MTA3: variants seen among roughly 807,000 people sequenced by gnomAD.
The protein encoded by MTA3 is metastasis associated 1 family member 3.
MTA3 carries 34 observed loss-of-function variants against 83.5 expected under a neutral mutation model. The observed-to-expected ratio is 0.41, with a 90% CI of 0.31 to 0.54. The LOEUF is 0.54. MTA3 is among the 20% of genes least tolerant of loss of function. The pLI, the probability that MTA3 is intolerant of heterozygous loss-of-function variation, is 0.33. For synonymous variants in MTA3, 303 were observed against 252.7 expected (o/e 1.20, Z -1.89); for missense variants, 761 against 726.4 (o/e 1.05, Z -0.55).
At chr2:42,695,612 GCAA>G (rs1558591402) in intron 9 of MTA3, among the ~76,000 whole-genome samples, 150 bp from the exon 10 acceptor site, 1 of 95,390 alleles carries the variant, frequency 1.0e-5, no homozygotes, top group Non-Finnish European at 1.9e-5. Flanking sequence ...TTCAGCCTGG[GCAA>G]CAAAGTGACA....
rs139033707 is a variant in MTA3, at chr2:42,598,723, C to T, written c.191-10735C>T. ...AGCCTTAATTCATCTTTACAAGGGACTCATTAATACTTTCTACCTTATTAC... is the reference window on the plus strand; with the variant it reads ...AGCCTTAATTCATCTTTACAAGGGATTCATTAATACTTTCTACCTTATTAC... On this transcript the variant is annotated intron_variant, in intron 3 of 16. Coordinates refer to ENST00000405094, the MANE Select transcript of MTA3 (RefSeq NM_001330442.2). Among the ~76,000 whole-genome samples, 930 of 152,270 alleles carry T rather than the reference C, an allele frequency of 6.1e-3. 7 individuals are homozygous for T. Among genetic ancestry groups the T allele is most frequent in the African/African-American group, 0.02 (850 of 41,564 alleles).
Position 42,754,801 on chromosome 2 carries a change from G to C in MTA3, c.*1402G>C. ...CACCCTGGGAAGCACGAGGTAACTTGGTAAGGATAATGATGCTGTAGATGT... is the reference window on the plus strand; with the variant it reads ...CACCCTGGGAAGCACGAGGTAACTTCGTAAGGATAATGATGCTGTAGATGT... On this transcript the variant is annotated 3_prime_UTR_variant, in exon 17 of 17. Coordinates refer to ENST00000405094, the MANE Select transcript of MTA3 (RefSeq NM_001330442.2). The C allele has an allele frequency of 1.0e-6, 1 of 985,524 alleles. No individual in the cohort carries two copies. Among genetic ancestry groups the C allele is most frequent in the South Asian group, 4.7e-5 (1 of 21,290 alleles). The allele number at this position is 985,524 out of a possible 1,614,324, so 61.0% of individuals were successfully genotyped here. A position where few individuals can be genotyped will look rare whatever the true frequency, so the allele number is the denominator to read the frequency against.
chr2:42,516,849 C>T (rs1399117781), intron 2 of MTA3, among the ~76,000 whole-genome samples: 1 of 152,206 alleles, frequency 6.6e-6, no homozygotes, highest in African/African-American at 2.4e-5. Context: ...TATCTGCCAG[C>T]TGTGGCTGCT....
intron 9 of MTA3, among the ~76,000 whole-genome samples, chr2:42,693,530 A>G (rs985415589): frequency 1.3e-5 from 2 of 152,006 alleles, no homozygotes; most frequent in African/African-American, 4.8e-5. Flanking sequence ...CCCAGCCACT[A>G]TTGGGGGTGG....
At chr2:42,723,292 A>C (rs1667561881) in intron 16 of MTA3, 4 of 441,302 alleles carry the variant, frequency 9.1e-6, no homozygotes, top group Non-Finnish European at 1.6e-5. Flanking sequence ...TATTTAGCAG[A>C]TTGCTTCTGC....
chr2:42,636,432 C>T (rs1181488538), intron 4 of MTA3, among the ~76,000 whole-genome samples: 1 of 151,890 alleles, frequency 6.6e-6, no homozygotes, highest in Non-Finnish European at 1.5e-5. Flanking sequence ...GTCCCAGCTA[C>T]TGGGGAGGCT....
At chr2:42,524,859 C>T (rs1245725717) in intron 2 of MTA3, among the ~76,000 whole-genome samples, 1 of 100,670 alleles carries the variant, frequency 9.9e-6, no homozygotes, top group Non-Finnish European at 1.9e-5. Flanking sequence ...GAGACACCTG[C>T]AGTAAGGCCA....
intron 3 of MTA3, among the ~76,000 whole-genome samples, chr2:42,604,555 T>C (rs116147707): frequency 0.051 from 7,647 of 150,488 alleles, 529 homozygotes; most frequent in Admixed American, 0.21. Context: ...TTACTTGGTC[T>C]GCTCTGAATG....
intron 16 of MTA3, among the ~76,000 whole-genome samples, chr2:42,724,858 T>G (rs537191965): frequency 6.6e-6 from 1 of 152,348 alleles, no homozygotes; most frequent in African/African-American, 2.4e-5. Context: ...TTTGTTTCAT[T>G]TCCCTCTGAA....
upstream of MTA3, among the ~76,000 whole-genome samples, chr2:42,565,333 C>T (rs1292499904): frequency 5.9e-5 from 9 of 151,374 alleles, no homozygotes; most frequent in Admixed American, 4.0e-4. Context: ...ACCATAGGTG[C>T]GCACCAACTG....
At chr2:42,501,706 G>A (rs1031788419) in intron 2 of MTA3, among the ~76,000 whole-genome samples, 2 of 152,186 alleles carry the variant, frequency 1.3e-5, no homozygotes, top group African/African-American at 2.4e-5. Context: ...AGCTGGTCAC[G>A]GTGGCTCATG....
intron 3 of MTA3, among the ~76,000 whole-genome samples, chr2:42,599,839 T>G (rs958667993): frequency 2.0e-5 from 3 of 152,136 alleles, no homozygotes; most frequent in African/African-American, 7.2e-5. Flanking sequence ...GTTTAGGTGG[T>G]TTTCAGACTA....
At chr2:42,573,868 G>C (rs1247680474) in intron 2 of MTA3, among the ~76,000 whole-genome samples, 5 of 151,438 alleles carry the variant, frequency 3.3e-5, no homozygotes, top group Non-Finnish European at 7.4e-5. Flanking sequence ...GACCAGGCTA[G>C]AGTGCAGTGG....
intron 8 of MTA3, among the ~76,000 whole-genome samples, chr2:42,667,611 TAGAGAGAGAAAGAGAGAG>T (rs149226331): frequency 6.6e-4 from 79 of 120,578 alleles, no homozygotes; most frequent in South Asian, 2.4e-3. Flanking sequence ...TGTGTGTGTA[TAGAGAGAGAAAGAGAGAG>T]AGAGAGAGAG....
At chr2:42,640,432 CTG>C (rs564322189) in intron 5 of MTA3, among the ~76,000 whole-genome samples, 196 bp downstream of exon 5, 221 of 152,260 alleles carry the variant, frequency 1.5e-3, no homozygotes, top group African/African-American at 5.0e-3. Flanking sequence ...AGAGCAAAAA[CTG>C]TGTCTGTTTT....
At chr2:42,531,301 A>G in intron 2 of MTA3, among the ~76,000 whole-genome samples, 1 of 152,192 alleles carries the variant, frequency 6.6e-6, no homozygotes, top group Admixed American at 6.6e-5. Flanking sequence ...CAATGGCCTA[A>G]GACAAATGCT....
At chr2:42,633,214 G>T (rs1290498522) in intron 4 of MTA3, among the ~76,000 whole-genome samples, 1 of 151,866 alleles carries the variant, frequency 6.6e-6, no homozygotes, top group African/African-American at 2.4e-5. Flanking sequence ...AGTGAGCCGA[G>T]GTTGCAGTGA....
intron 16 of MTA3, among the ~76,000 whole-genome samples, chr2:42,725,663 C>G (rs1014952158): frequency 6.6e-6 from 1 of 152,216 alleles, no homozygotes; most frequent in African/African-American, 2.4e-5. Flanking sequence ...CACTGCCCTG[C>G]CGGTGCAGGC....
chr2:42,743,070 A>G (rs1669149069), intron 16 of MTA3, among the ~76,000 whole-genome samples: 1 of 152,230 alleles, frequency 6.6e-6, no homozygotes, highest in Admixed American at 6.5e-5. Flanking sequence ...TAGAGGAGAT[A>G]GAACATCCTG....
Sources: gnomAD v4.1 joint callset for allele counts (sites outside exome capture counted in the v4.1 genomes callset) on GRCh38, gnomAD v4.1.1 for gene constraint, MANE v1.5 for transcripts, NCBI Gene and HGNC (gene_info 2026-07-23, HGNC 2026-07-21) for gene names.